The following PDZRN4 variants were observed in gnomAD, a reference collection of about 807,000 sequenced individuals.
The protein encoded by PDZRN4 is PDZ domain-containing RING finger protein 4.
A neutral mutation model predicts 99.0 loss-of-function variants in PDZRN4; 70 were observed. The ratio of observed to expected loss-of-function variants is 0.71; its 90% CI spans 0.58 to 0.86. The LOEUF is 0.86. Among genes scored for constraint, PDZRN4 ranks in the 40% least tolerant of loss-of-function variants. The pLI is 0.00. For synonymous variants in PDZRN4, 551 were observed against 501.6 expected (o/e 1.10, Z -1.32); for missense variants, 1,474 against 1,331.2 (o/e 1.11, Z -1.67).
At chr12:41,442,497 T>G (rs372193214) in intron 3 of PDZRN4, among the ~76,000 whole-genome samples, 14 of 152,262 alleles carry the variant, frequency 9.2e-5, no homozygotes, top group African/African-American at 2.9e-4. Flanking sequence ...TCCTTTCACC[T>G]TCACTCTCAC....
At position 41,383,559 on chromosome 12, in the gene PDZRN4, TCTC is replaced by T. The variant is rs145358854; in HGVS notation, c.844-122894_844-122892del. Among the ~76,000 whole-genome samples the T allele has an allele frequency of 1.0e-3, 154 of 152,284 alleles. 1 individual carries two copies. Among genetic ancestry groups the T allele is most frequent in the African/African-American group, 3.6e-3 (151 of 41,558 alleles). On this transcript the variant is annotated intron_variant, in intron 3 of 9. Transcript: ENST00000402685. ...CCCAGAAGGATCTGAGTAAACTCCT[TCTC>T]CTGCAGAATCAGTTAGAAAACCCCT...
chr12:41,394,161 G>A (rs748312959), intron 3 of PDZRN4, among the ~76,000 whole-genome samples: 43 of 152,092 alleles, frequency 2.8e-4, no homozygotes, highest in Non-Finnish European at 2.8e-4. Flanking sequence ...GAAATATGGT[G>A]AGAGGGCTCT....
intron 3 of PDZRN4, among the ~76,000 whole-genome samples, chr12:41,457,167 C>T (rs987535295): frequency 6.6e-6 from 1 of 152,088 alleles, no homozygotes; most frequent in Admixed American, 6.6e-5. Flanking sequence ...GTTCCCAGGG[C>T]ACCAAGTCCA....
At chr12:41,220,099 C>T (rs79755285) in intron 3 of PDZRN4, among the ~76,000 whole-genome samples, 3,720 of 152,152 alleles carry the variant, frequency 0.024, 113 homozygotes, top group African/African-American at 0.073. Context: ...TGGCTCTTCC[C>T]CCACCTGCCT....
intron 1 of PDZRN4, among the ~76,000 whole-genome samples, chr12:41,190,500 C>T (rs1367417758): frequency 2.6e-5 from 4 of 152,162 alleles, no homozygotes; most frequent in Non-Finnish European, 5.9e-5. Context: ...GTCCATGCAA[C>T]AAGTCAAGCT....
intron 3 of PDZRN4, among the ~76,000 whole-genome samples, chr12:41,298,550 G>A (rs1432653514): frequency 6.6e-6 from 1 of 152,086 alleles, no homozygotes; most frequent in Non-Finnish European, 1.5e-5. Context: ...TATGCTTTCT[G>A]TGGTAAATTT....
At chr12:41,564,356 A>G (rs1006632375) in intron 8 of PDZRN4, among the ~76,000 whole-genome samples, 7 of 147,006 alleles carry the variant, frequency 4.8e-5, no homozygotes, top group African/African-American at 7.8e-5. Context: ...AAGGTAATGG[A>G]AAAAAAGTAC....
intron 3 of PDZRN4, among the ~76,000 whole-genome samples, chr12:41,194,723 T>G (rs995864439): frequency 6.6e-6 from 1 of 152,192 alleles, no homozygotes; most frequent in African/African-American, 2.4e-5. Context: ...TGCCTGAAGT[T>G]TTCAAATGTG....
chr12:41,274,815 G>A lies in PDZRN4; in HGVS notation c.843+80627G>A, dbSNP rs181733646. On this transcript the variant is annotated intron_variant, in intron 3 of 9. Coordinates refer to ENST00000402685, the MANE Select transcript of PDZRN4 (RefSeq NM_001164595.2). ...CTTGAAATATCTGAAGACAGTTAAA[G>A]ATTAATTCCCTTCCTGTTTACTGAA... Among the ~76,000 whole-genome samples, 7 of 152,282 alleles carry A rather than the reference G, an allele frequency of 4.6e-5. No individual in the cohort carries two copies. In the South Asian group the frequency reaches 1.2e-3, roughly 27 times the overall value.
intron 5 of PDZRN4, among the ~76,000 whole-genome samples, chr12:41,541,545 C>A (rs1938855937): frequency 6.6e-6 from 1 of 151,422 alleles, no homozygotes; most frequent in Non-Finnish European, 1.5e-5. Flanking sequence ...GTTCCACCTC[C>A]TGGATTCACA....
At chr12:41,408,572 A>C (rs976797227) in intron 3 of PDZRN4, among the ~76,000 whole-genome samples, 1 of 152,178 alleles carries the variant, frequency 6.6e-6, no homozygotes, top group Non-Finnish European at 1.5e-5. Context: ...GAATATGAGC[A>C]CAGAAGATGG....
At position 41,563,575 on chromosome 12, in the gene PDZRN4, G is replaced by A. The variant is rs1939310632; in HGVS notation, c.1393G>A (p.Glu465Lys). 6.2e-7 allele frequency: 1 copy of A among 1,613,446 alleles called. No individual in the cohort carries two copies. The highest frequency in any genetic ancestry group is 8.5e-7 in the Non-Finnish European group (1 of 1,179,506). Residue 465 changes from glutamate (E) to lysine (K), a missense_variant, in exon 8 of 10, where the codon GAA becomes AAA. Coordinates refer to ENST00000402685, the MANE Select transcript of PDZRN4 (RefSeq NM_001164595.2). ...QINGEDVQNR[E>K]EAVALLSNDE... is the part of the protein sequence containing the mutation. Reference sequence around the variant, plus strand: ...AAATGGGGAAGATGTCCAGAATCGAGAAGAAGCAGTGGCCTTGCTGTCTAA... The same window carrying A: ...AAATGGGGAAGATGTCCAGAATCGAAAAGAAGCAGTGGCCTTGCTGTCTAA...
At position 41,357,169 on chromosome 12, in the gene PDZRN4, T is replaced by C. The variant is rs562462815; in HGVS notation, c.844-149287T>C. ...CTCTTTCTCTCTCTGCCTCTGTCTC[T>C]TTCTCTCTCTCCTTCTCTCACACCC... On this transcript the variant is annotated intron_variant, in intron 3 of 9. Coordinates refer to ENST00000402685, the MANE Select transcript of PDZRN4 (RefSeq NM_001164595.2). 1.2e-4 allele frequency among the ~76,000 whole-genome samples: 19 copies of C among 152,008 alleles called. No individual in the cohort carries two copies. The South Asian group carries it at 2.3e-3, about 18-fold the overall frequency.
intron 3 of PDZRN4, among the ~76,000 whole-genome samples, chr12:41,501,442 T>A (rs1266073474): frequency 6.6e-6 from 1 of 152,174 alleles, no homozygotes; most frequent in Admixed American, 6.6e-5. Flanking sequence ...GGGGAAGTTA[T>A]TGAAGAGTGG....
chr12:41,233,396 G>A (rs1005030942), intron 3 of PDZRN4, among the ~76,000 whole-genome samples: 7 of 151,992 alleles, frequency 4.6e-5, no homozygotes, highest in African/African-American at 1.4e-4. Context: ...CTCAGGGATC[G>A]AGAACCAGAA....
chr12:41,254,580 T>C (rs890547915), intron 3 of PDZRN4, among the ~76,000 whole-genome samples: 6 of 152,266 alleles, frequency 3.9e-5, no homozygotes, highest in Admixed American at 3.3e-4. Context: ...TGCTCATTTA[T>C]GTAATAAATA....
chr12:41,346,779 C>T (rs2121028392), intron 3 of PDZRN4, among the ~76,000 whole-genome samples: 1 of 152,004 alleles, frequency 6.6e-6, no homozygotes, highest in African/African-American at 2.4e-5. Flanking sequence ...CATTTTTGTC[C>T]TTCCTAAAGA....
At chr12:41,477,510 A>T (rs776679440) in intron 3 of PDZRN4, among the ~76,000 whole-genome samples, 1 of 152,170 alleles carries the variant, frequency 6.6e-6, no homozygotes, top group Non-Finnish European at 1.5e-5. Context: ...GGTGAAAAGG[A>T]TGGATGTGGT....
chr12:41,378,127 A>G (rs1952095114), intron 3 of PDZRN4, among the ~76,000 whole-genome samples: 1 of 151,612 alleles, frequency 6.6e-6, no homozygotes, highest in Non-Finnish European at 1.5e-5. Context: ...ATCTATGACC[A>G]TTATTATGTT....
Sources: allele counts gnomAD v4.1 joint callset (sites outside exome capture counted in the v4.1 genomes callset), GRCh38; gene constraint gnomAD v4.1.1; transcripts MANE v1.5; gene names NCBI Gene and HGNC (gene_info 2026-07-23, HGNC 2026-07-21).